The following COL8A1 variants were observed in gnomAD, a reference collection of about 807,000 sequenced individuals.
The protein encoded by COL8A1 is collagen alpha-1(VIII) chain.
COL8A1 carries 21 observed loss-of-function variants against 42.7 expected under a neutral mutation model. That is an observed-to-expected ratio of 0.49 (90% CI 0.35 to 0.71). COL8A1 has a LOEUF of 0.71. Ranked by LOEUF, COL8A1 falls within the 30% of genes least tolerant of loss-of-function variation. The probability of loss-of-function intolerance (pLI) is 0.01; values close to 1 mark genes in which losing one functional copy is unlikely to be tolerated. For synonymous variants in COL8A1, 367 were observed against 369.1 expected, an observed-to-expected ratio of 0.99 and a Z score of 0.06; for missense variants, 788 against 962.4, an observed-to-expected ratio of 0.82 and a Z score of 2.40.
chr3:99,670,991 G>A (rs1165304518), intron 1 of COL8A1, among the ~76,000 whole-genome samples: 1 of 151,696 alleles, frequency 6.6e-6, no homozygotes, highest in Non-Finnish European at 1.5e-5. Context: ...TGAGTAATGT[G>A]TGTGTGTGTT....
At chr3:99,652,206 G>A (rs918832154) in intron 1 of COL8A1, among the ~76,000 whole-genome samples, 6 of 152,224 alleles carry the variant, frequency 3.9e-5, no homozygotes, top group Admixed American at 1.3e-4. Flanking sequence ...CACTGGAGAT[G>A]TTTAGCTTCT....
chr3:99,790,580 A>G (rs1347886894), intron 2 of COL8A1, 100 bp from the exon 3 acceptor site: 3 of 894,412 alleles, frequency 3.4e-6, no homozygotes, highest in Non-Finnish European at 5.1e-6. Flanking sequence ...CTGATGTTAA[A>G]GACTGTTTCC....
At chr3:99,721,871 T>C (rs1446200339) in intron 1 of COL8A1, among the ~76,000 whole-genome samples, 2 of 151,108 alleles carry the variant, frequency 1.3e-5, no homozygotes, top group African/African-American at 4.9e-5. Context: ...CCTGAGAAGA[T>C]TGCAGCACTG....
intron 2 of COL8A1, among the ~76,000 whole-genome samples, chr3:99,749,371 C>T (rs1349526277): frequency 1.3e-5 from 2 of 152,146 alleles, no homozygotes; most frequent in Non-Finnish European, 2.9e-5. Context: ...AAAATCATAA[C>T]TCAACCTATC....
Position 99,794,117 on chromosome 3 carries a change from A to G in COL8A1, c.329-113A>G. The G allele has an allele frequency of 3.0e-6, 2 of 669,896 alleles. No individual in the cohort carries two copies. The highest frequency in any genetic ancestry group is 5.1e-6 in the Non-Finnish European group (2 of 395,672). The allele number at this position is 669,896 out of a possible 1,614,324, so 41.5% of individuals were successfully genotyped here. A position where few individuals can be genotyped will look rare whatever the true frequency, so the allele number is the denominator to read the frequency against. ...CTTTTCTCTTGATAAGTATTAGGCA[A>G]ATGTGTCAGAACTAAATAATGGTTG... On this transcript the variant is annotated intron_variant, in intron 3 of 3. Coordinates refer to ENST00000652472, the MANE Select transcript of COL8A1 (RefSeq NM_020351.4). The surrounding 1 kb of genome is among the most constrained non-coding windows in gnomAD (Gnocchi z 4.3).
chr3:99,684,431 G>A (rs1938986974), intron 1 of COL8A1, among the ~76,000 whole-genome samples: 1 of 152,180 alleles, frequency 6.6e-6, no homozygotes, highest in Non-Finnish European at 1.5e-5. Flanking sequence ...TAAAGCAGGA[G>A]GGTTGGGGTA....
At position 99,731,075 on chromosome 3, in the gene COL8A1, G is replaced by A. The variant is rs149371582; in HGVS notation, c.-128-13822G>A. On this transcript the variant is annotated intron_variant, in intron 1 of 3. Transcript: ENST00000652472. ...AGGCCTGGTTCTGGTTGCAAAAGAT[G>A]TTACAGTACACAAAGCAAGTTTCCT... is the stretch of plus-strand genomic sequence containing the variant. Among the ~76,000 whole-genome samples, 675 of 152,200 alleles carry A rather than the reference G, an allele frequency of 4.4e-3. 6 individuals are homozygous for A. The highest frequency in any genetic ancestry group is 0.015 in the African/African-American group (632 of 41,544).
intron 1 of COL8A1, among the ~76,000 whole-genome samples, chr3:99,668,973 G>A (rs868024440): frequency 2.3e-4 from 35 of 151,606 alleles, no homozygotes; most frequent in South Asian, 1.0e-3. Flanking sequence ...TCAGAAATTG[G>A]GCATAGCTTA....
chr3:99,709,076 G>C (rs763794381), intron 1 of COL8A1, among the ~76,000 whole-genome samples: 8 of 137,076 alleles, frequency 5.8e-5, no homozygotes, highest in Middle Eastern at 4.5e-3. Flanking sequence ...GGCCATCTTG[G>C]CCCTTTTTGC....
intron 2 of COL8A1, among the ~76,000 whole-genome samples, chr3:99,789,868 T>C (rs1234928656): frequency 6.6e-6 from 1 of 152,220 alleles, no homozygotes; most frequent in African/African-American, 2.4e-5. Flanking sequence ...AGTATTTTAA[T>C]ACAAGAAATA....
intron 1 of COL8A1, among the ~76,000 whole-genome samples, chr3:99,732,759 A>C (rs534489602): frequency 6.6e-6 from 1 of 152,112 alleles, no homozygotes; most frequent in Non-Finnish European, 1.5e-5. Flanking sequence ...GTCTTAACTC[A>C]TTCCAGCAGT....
intron 2 of COL8A1, among the ~76,000 whole-genome samples, chr3:99,768,605 T>C (rs1941516137): frequency 6.6e-6 from 1 of 152,244 alleles, no homozygotes; most frequent in African/African-American, 2.4e-5. Flanking sequence ...CTGGTTGTCA[T>C]ACACTTACCA....
chr3:99,714,881 C>A (rs1939952296), intron 1 of COL8A1, among the ~76,000 whole-genome samples: 1 of 152,090 alleles, frequency 6.6e-6, no homozygotes, highest in Admixed American at 6.6e-5. Flanking sequence ...GGGAAAGCCC[C>A]TCTGAGGAAA....
At chr3:99,735,820 A>T (rs1375091888) in intron 1 of COL8A1, among the ~76,000 whole-genome samples, 1 of 152,026 alleles carries the variant, frequency 6.6e-6, no homozygotes, top group Admixed American at 6.6e-5. Flanking sequence ...TTATTGCCAC[A>T]ATTTCAGATC....
rs1238996509 is a variant in COL8A1, at chr3:99,651,761, G to A, written c.-129+13097G>A. On this transcript the variant is annotated intron_variant, in intron 1 of 3. Transcript: ENST00000652472. ...TGATGTCAGAGGTCGGCCACCCTACGTGCTTTCCTTCTGACTCAGCACAGA... is the reference window on the plus strand; with the variant it reads ...TGATGTCAGAGGTCGGCCACCCTACATGCTTTCCTTCTGACTCAGCACAGA... Among the ~76,000 whole-genome samples, 5 of 152,280 alleles carry A rather than the reference G, an allele frequency of 3.3e-5. No individual in the cohort carries two copies. The South Asian group carries it at 6.2e-4, about 19-fold the overall frequency.
At chr3:99,767,282 C>T (rs190539648) in intron 2 of COL8A1, among the ~76,000 whole-genome samples, 2 of 152,176 alleles carry the variant, frequency 1.3e-5, no homozygotes, top group African/African-American at 4.8e-5. Context: ...TAGAGCTCCT[C>T]AGACACAAGG....
intron 2 of COL8A1, among the ~76,000 whole-genome samples, chr3:99,751,602 A>G (rs187148824): frequency 6.6e-6 from 1 of 152,328 alleles, no homozygotes; most frequent in African/African-American, 2.4e-5. Flanking sequence ...AAATCACTCA[A>G]AAATATCTTA....
chr3:99,703,077 C>T (rs1939585316), intron 1 of COL8A1, among the ~76,000 whole-genome samples: 1 of 152,122 alleles, frequency 6.6e-6, no homozygotes, highest in Admixed American at 6.6e-5. Flanking sequence ...GAGGAATCCT[C>T]AATATGCAGG....
Position 99,700,426 on chromosome 3 carries a change from G to A in COL8A1, c.-128-44471G>A, listed in dbSNP as rs116129213. Among the ~76,000 whole-genome samples the A allele has an allele frequency of 3.8e-3, 573 of 152,060 alleles. 1 individual carries two copies. Among genetic ancestry groups the A allele is most frequent in the African/African-American group, 0.012 (492 of 41,496 alleles). On this transcript the variant is annotated intron_variant, in intron 1 of 3. Transcript: ENST00000652472. ...GGAGTCACAGGCTCACCCTCCCACC[G>A]CATAGAGACATGCACCCTCACGCTC...
Sources: allele counts gnomAD v4.1 joint callset (sites outside exome capture counted in the v4.1 genomes callset), GRCh38; gene constraint gnomAD v4.1.1; non-coding constraint Gnocchi (gnomAD v3.1); transcripts MANE v1.5; gene names NCBI Gene and HGNC (gene_info 2026-07-23, HGNC 2026-07-21).